The following ADGRL2 variants were observed in gnomAD, a reference collection of about 807,000 sequenced individuals.
The protein encoded by ADGRL2 is calcium-independent alpha-latrotoxin receptor 2.
ADGRL2 carries 44 observed loss-of-function variants against 157.4 expected under a neutral mutation model. The observed-to-expected ratio is 0.28, with a 90% CI of 0.22 to 0.36. The LOEUF (loss-of-function observed/expected upper bound fraction) is 0.36. Ranked by LOEUF, ADGRL2 falls within the 10% of genes least tolerant of loss-of-function variation. ADGRL2 has a pLI of 1.00. For missense variants in ADGRL2, 1,510 were observed against 1,768.9 expected (o/e 0.85, Z 2.63); for synonymous variants, 585 against 624.7 (o/e 0.94, Z 0.95).
intron 1 of ADGRL2, among the ~76,000 whole-genome samples, chr1:81,370,807 T>C (rs745802414): frequency 1.3e-5 from 2 of 152,190 alleles, no homozygotes; most frequent in African/African-American, 2.4e-5. Flanking sequence ...TCTTCACTTG[T>C]ATGTAATAAA....
At chr1:81,747,307 A>ATAT (rs1553148709) in intron 1 of ADGRL2, among the ~76,000 whole-genome samples, 2,020 of 143,500 alleles carry the variant, frequency 0.014, 27 homozygotes, top group East Asian at 0.041. Flanking sequence ...ATATATATAT[A>ATAT]TTTTTTTTTT....
chr1:81,468,197 G>C (rs747078566), intron 2 of ADGRL2, among the ~76,000 whole-genome samples: 3 of 152,176 alleles, frequency 2.0e-5, no homozygotes, highest in Non-Finnish European at 4.4e-5. Context: ...ATTATGGAGA[G>C]TGATTCTAGC....
chr1:81,873,942 T>C (rs1164816970), intron 2 of ADGRL2, among the ~76,000 whole-genome samples: 1 of 152,118 alleles, frequency 6.6e-6, no homozygotes, highest in Non-Finnish European at 1.5e-5. Context: ...TAATTATATA[T>C]GTAGGTAAAA....
intron 21 of ADGRL2, among the ~76,000 whole-genome samples, chr1:81,986,036 T>A (rs768169290): frequency 7.2e-5 from 11 of 152,218 alleles, no homozygotes; most frequent in Middle Eastern, 3.4e-3. Context: ...GACATTGTTC[T>A]AGTGAGATTC....
intron 2 of ADGRL2, among the ~76,000 whole-genome samples, chr1:81,782,100 T>A (rs960383636): frequency 6.6e-6 from 1 of 152,176 alleles, no homozygotes; most frequent in African/African-American, 2.4e-5. Flanking sequence ...GTGTAAATGG[T>A]TGGGCTTGGG....
intron 2 of ADGRL2, among the ~76,000 whole-genome samples, chr1:81,497,126 G>C (rs2078747380): frequency 6.6e-6 from 1 of 152,134 alleles, no homozygotes; most frequent in African/African-American, 2.4e-5. Context: ...TGTGCAGCAA[G>C]ATTTTTTGCC....
intron 1 of ADGRL2, among the ~76,000 whole-genome samples, chr1:81,416,193 C>G (rs2077030701): frequency 6.6e-6 from 1 of 151,992 alleles, no homozygotes; most frequent in Middle Eastern, 3.2e-3. Flanking sequence ...ATGTTACTTT[C>G]AGCAAATTTG....
chr1:81,428,971 T>G (rs2077270273), intron 1 of ADGRL2, among the ~76,000 whole-genome samples: 1 of 152,196 alleles, frequency 6.6e-6, no homozygotes. Context: ...TGTTGTTTTC[T>G]GAGCCACCAC....
intron 3 of ADGRL2, among the ~76,000 whole-genome samples, chr1:81,612,616 ATTGT>A (rs2081565300): frequency 6.6e-6 from 1 of 152,022 alleles, no homozygotes; most frequent in Non-Finnish European, 1.5e-5. Flanking sequence ...TTTGTTGGCA[ATTGT>A]TTGTTGTGGA....
At chr1:81,743,761 T>C (rs2085154085) in intron 1 of ADGRL2, among the ~76,000 whole-genome samples, 1 of 152,098 alleles carries the variant, frequency 6.6e-6, no homozygotes, top group South Asian at 2.1e-4. Context: ...TAACCACATA[T>C]ATGTGGTGAT....
At chr1:81,800,355 C>G (rs1470036202), upstream of ADGRL2, 1 of 152,144 alleles carries the variant, frequency 6.6e-6, no homozygotes, top group African/African-American at 2.4e-5. Flanking sequence ...CGCATTAACC[C>G]TGGAGCGTCC....
intron 3 of ADGRL2, among the ~76,000 whole-genome samples, chr1:81,650,055 TAA>T (rs56088299): frequency 3.8e-4 from 55 of 143,388 alleles, no homozygotes; most frequent in Admixed American, 4.9e-4. Context: ...CACCTATTCT[TAA>T]AAAAAAAAAA....
At chr1:81,353,711 G>A (rs1344889610) in intron 1 of ADGRL2, among the ~76,000 whole-genome samples, 3 of 152,130 alleles carry the variant, frequency 2.0e-5, no homozygotes, top group Non-Finnish European at 2.9e-5. Context: ...CAAAAACTTA[G>A]AAAACTGAAG....
intron 2 of ADGRL2, among the ~76,000 whole-genome samples, chr1:81,573,035 G>A (rs531823815): frequency 7.1e-4 from 107 of 151,416 alleles, no homozygotes; most frequent in African/African-American, 2.5e-3. Context: ...AATCTAGGAG[G>A]GCTAACTCTT....
intron 1 of ADGRL2, among the ~76,000 whole-genome samples, chr1:81,411,999 A>C (rs2076954210): frequency 6.6e-6 from 1 of 152,220 alleles, no homozygotes; most frequent in African/African-American, 2.4e-5. Context: ...CATCAGTAAG[A>C]TCATTTTAAC....
At chr1:81,945,164 A>T (rs912665391) in intron 6 of ADGRL2, among the ~76,000 whole-genome samples, 10 of 152,064 alleles carry the variant, frequency 6.6e-5, no homozygotes, top group Admixed American at 1.3e-4. Context: ...AAATGTATAC[A>T]TATGTTTGCT....
intron 3 of ADGRL2, among the ~76,000 whole-genome samples, chr1:81,594,636 A>G (rs1370038703): frequency 6.6e-6 from 1 of 152,250 alleles, no homozygotes; most frequent in Non-Finnish European, 1.5e-5. Context: ...CAACGTAGTT[A>G]GAATTCTCAC....
intron 1 of ADGRL2, among the ~76,000 whole-genome samples, chr1:81,745,335 C>T (rs1203442157): frequency 6.6e-6 from 1 of 152,186 alleles, no homozygotes; most frequent in Non-Finnish European, 1.5e-5. Flanking sequence ...CATATGCTTT[C>T]TTGAGCATCA....
intron 1 of ADGRL2, among the ~76,000 whole-genome samples, chr1:81,430,933 G>C (rs756827354): frequency 2.6e-5 from 4 of 152,184 alleles, no homozygotes; most frequent in African/African-American, 9.7e-5. Flanking sequence ...GAAAGAAAAA[G>C]AAGCACTGTG....
Sources: gnomAD v4.1 joint callset for allele counts (sites outside exome capture counted in the v4.1 genomes callset) on GRCh38, gnomAD v4.1.1 for gene constraint, MANE v1.5 for transcripts, NCBI Gene and HGNC (gene_info 2026-07-23, HGNC 2026-07-21) for gene names.